Variants in DACT3 observed in about 807,000 individuals in gnomAD.
The protein encoded by DACT3 is dishevelled binding antagonist of beta catenin 3.
Under a neutral mutation model 19.6 loss-of-function variants are expected in DACT3, and 5 were observed. The ratio of observed to expected loss-of-function variants is 0.26; its 90% CI spans 0.13 to 0.54. The LOEUF (loss-of-function observed/expected upper bound fraction) is 0.54, where lower values mean the gene tolerates loss of function less well. Ranked by LOEUF, DACT3 falls within the 20% of genes least tolerant of loss-of-function variation. The probability of loss-of-function intolerance (pLI) is 0.95; values close to 1 mark genes in which losing one functional copy is unlikely to be tolerated. For synonymous variants in DACT3, 454 were observed against 428.1 expected (o/e 1.06, Z -0.75); for missense variants, 908 against 927.4 (o/e 0.98, Z 0.27).
At chr19:46,655,901 GTC>G (rs140521907) in intron 1 of DACT3, among the ~76,000 whole-genome samples, 4,852 of 131,718 alleles carry the variant, frequency 0.037, 106 homozygotes, top group Middle Eastern at 0.073. Flanking sequence ...GTGAGACCCA[GTC>G]TCTCTCTCTC....
Position 46,661,018 on chromosome 19 carries a change from A to C in DACT3, c.47T>G (p.Leu16Arg), listed in dbSNP as rs1466442259. ...CAGGCTACCCTCCAGCCAGCCCCGC[A>C]GCCGGCCCCGCTCAGGGCTCACCGG... ...SFPVSPERGRLRGWLEGSLAG... is the reference protein window; with the variant it reads ...SFPVSPERGRRRGWLEGSLAG... Residue 16 changes from leucine to arginine, a missense_variant, in exon 1 of 4, where the codon CTG (leucine) becomes CGG (arginine). This residue lies in a region of DACT3 where 252 missense variants were observed against 325.6 expected (regional missense o/e 0.77). Coordinates refer to ENST00000391916, the MANE Select transcript of DACT3 (RefSeq NM_145056.3). The C allele has an allele frequency of 6.5e-7, 1 of 1,530,906 alleles. No homozygotes were observed. The highest frequency in any genetic ancestry group is 2.5e-5 in the East Asian group (1 of 39,598). 94.8% of individuals were successfully genotyped at this position (1,530,906 alleles called of 1,614,324 possible). A position where few individuals can be genotyped will look rare whatever the true frequency, so the allele number is the denominator to read the frequency against.
Position 46,649,885 on chromosome 19 carries a change from G to A in DACT3, c.500-13C>T, listed in dbSNP as rs1320769569. On this transcript the variant is annotated splice_polypyrimidine_tract_variant and intron_variant, in intron 3 of 3. Coordinates refer to ENST00000391916, the MANE Select transcript of DACT3 (RefSeq NM_145056.3). ...GGACTGGCGTCTCCTAGGGAAGGAAGGCCAAAAAAAAAAAAAAAAGAGAGA... is the reference window on the plus strand; with the variant it reads ...GGACTGGCGTCTCCTAGGGAAGGAAAGCCAAAAAAAAAAAAAAAAGAGAGA... The A allele has an allele frequency of 7.8e-7, 1 of 1,280,832 alleles. No individual in the cohort carries two copies. The highest frequency in any genetic ancestry group is 9.7e-7 in the Non-Finnish European group (1 of 1,034,300). The allele number at this position is 1,280,832 out of a possible 1,614,324, so 79.3% of individuals were successfully genotyped here.
intron 3 of DACT3, 192 bp downstream of exon 3, chr19:46,652,468 C>A: frequency 1.5e-6 from 1 of 679,060 alleles, no homozygotes; most frequent in Non-Finnish European, 2.4e-6. Flanking sequence ...CGTGAGCCAC[C>A]GCACCCAGCC....
At chr19:46,659,545 C>G (rs2053058730) in intron 1 of DACT3, 21 of 605,052 alleles carry the variant, frequency 3.5e-5, no homozygotes, top group Non-Finnish European at 3.7e-5. Flanking sequence ...GGGGTGGGGC[C>G]TCCCACAGCT....
chr19:46,661,026 C>T lies in DACT3; in HGVS notation c.39G>A (p.Arg13=), dbSNP rs1174889066. ...CCTCCAGCCAGCCCCGCAGCCGGCC[C>T]CGCTCAGGGCTCACCGGGAACGAGA... The part of the protein sequence containing the change: ...RAFSFPVSPE[R]GRLRGWLEGS... Residue 13 remains arginine, a synonymous_variant, in exon 1 of 4, where the codon CGG becomes CGA. Coordinates refer to ENST00000391916, the MANE Select transcript of DACT3 (RefSeq NM_145056.3). 3.3e-6 allele frequency: 5 copies of T among 1,525,082 alleles called. No homozygotes were observed. The highest frequency in any genetic ancestry group is 3.5e-6 in the Non-Finnish European group (4 of 1,141,696). The allele number at this position is 1,525,082 out of a possible 1,614,324, so 94.5% of individuals were successfully genotyped here.
chr19:46,648,840 C>T lies in DACT3; in HGVS notation c.1532G>A (p.Arg511His). ...GPGPSPSAPQ[R>H]RLLYGCAGSD... ...GCCCGCGCAGCCGTAAAGCAGACGA[C>T]GCTGGGGAGCTGACGGGGACGGGCC... is the stretch of plus-strand genomic sequence containing the variant. The change falls in exon 4 of 4, where the codon CGT becomes CAT. Residue 511 changes from arginine to histidine, a missense_variant. By Grantham distance (29) the Arg-to-His change is conservative. Coordinates refer to ENST00000391916, the MANE Select transcript of DACT3 (RefSeq NM_145056.3). The surrounding 1 kb of genome is among the most constrained non-coding windows in gnomAD (Gnocchi z 5.1). 1 of 1,481,928 alleles carries T rather than the reference C, an allele frequency of 6.7e-7. No homozygotes were observed. Among genetic ancestry groups the T allele is most frequent in the Non-Finnish European group, 8.9e-7 (1 of 1,125,650 alleles). 91.8% of individuals were successfully genotyped at this position (1,481,928 alleles called of 1,614,324 possible).
At position 46,649,116 on chromosome 19, in the gene DACT3, C is replaced by A; in HGVS notation, c.1256G>T (p.Arg419Leu). 1 of 1,288,998 alleles carries A rather than the reference C, an allele frequency of 7.8e-7. No homozygotes were observed. The highest frequency in any genetic ancestry group is 9.8e-7 in the Non-Finnish European group (1 of 1,019,774). 79.8% of individuals were successfully genotyped at this position (1,288,998 alleles called of 1,614,324 possible). A position where few individuals can be genotyped will look rare whatever the true frequency, so the allele number is the denominator to read the frequency against. Residue 419 changes from arginine to leucine, a missense_variant, in exon 4 of 4, where the codon CGC becomes CTC. Coordinates refer to ENST00000391916, the MANE Select transcript of DACT3 (RefSeq NM_145056.3). ...CTCAGACTGGGAGCGCGAGGCCTTGCGGGCCCTGGGCGAGCCGCGGCGGCC... is the reference window on the plus strand; with the variant it reads ...CTCAGACTGGGAGCGCGAGGCCTTGAGGGCCCTGGGCGAGCCGCGGCGGCC... ...ASGRRGSPRA[R>L]KASRSQSETS...
rs1207739266 is a variant in DACT3 at position 46,648,150 on chromosome 19, C to T, written c.*332G>A. The T allele has an allele frequency of 3.5e-6, 1 of 286,326 alleles. No individual in the cohort carries two copies. Among genetic ancestry groups the T allele is most frequent in the Non-Finnish European group, 6.6e-6 (1 of 151,888 alleles). The allele number at this position is 286,326 out of a possible 1,614,324, so 17.7% of individuals were successfully genotyped here. A position where few individuals can be genotyped will look rare whatever the true frequency, so the allele number is the denominator to read the frequency against. On this transcript the variant is annotated 3_prime_UTR_variant, in exon 4 of 4. Coordinates refer to ENST00000391916, the MANE Select transcript of DACT3 (RefSeq NM_145056.3). This position sits in a 1 kb window ranked among gnomAD's most constrained non-coding sequence, Gnocchi z 5.1. Reference sequence around the variant, plus strand: ...GGAACAAACAGACTAGGCTTCTAAACTAAAACGGGGAAATTCAAACCGAAT... The same window carrying T: ...GGAACAAACAGACTAGGCTTCTAAATTAAAACGGGGAAATTCAAACCGAAT...
In DACT3 at chr19:46,649,519, C is replaced by T. The variant is rs944424605; in HGVS notation, c.853G>A (p.Val285Met). Residue 285 changes from valine to methionine, a missense_variant, in exon 4 of 4, where the codon GTG becomes ATG. Physicochemically the swap from Val to Met is conservative, Grantham distance 21 (BLOSUM62 1). This residue lies in a region of DACT3 where 656 missense variants were observed against 601.8 expected (regional missense o/e 1.09). Coordinates refer to ENST00000391916, the MANE Select transcript of DACT3 (RefSeq NM_145056.3). ...ADGGPRRQNS[V>M]RQRPPDASPS... is the part of the protein sequence containing the mutation. Reference sequence around the variant, plus strand: ...GACGCGTCGGGCGGCCGCTGGCGCACGCTGTTCTGGCGCCGCGGGCCGCCG... The same window carrying T: ...GACGCGTCGGGCGGCCGCTGGCGCATGCTGTTCTGGCGCCGCGGGCCGCCG... 4.6e-6 allele frequency: 5 copies of T among 1,079,694 alleles called. No individual in the cohort carries two copies. Among genetic ancestry groups the T allele is most frequent in the Middle Eastern group, 8.1e-4 (2 of 2,456 alleles). The allele number at this position is 1,079,694 out of a possible 1,614,324, so 66.9% of individuals were successfully genotyped here. A position where few individuals can be genotyped will look rare whatever the true frequency, so the allele number is the denominator to read the frequency against.
chr19:46,653,646 C>T (rs915949726), intron 1 of DACT3, among the ~76,000 whole-genome samples: 16 of 151,892 alleles, frequency 1.1e-4, no homozygotes, highest in African/African-American at 2.2e-4. Context: ...CTCTACCTCC[C>T]GGGATCAGGC....
intron 1 of DACT3, chr19:46,654,526 C>A: frequency 1.0e-6 from 1 of 962,044 alleles, no homozygotes; most frequent in Non-Finnish European, 1.2e-6. Context: ...TTCCATGAGT[C>A]TACCCTGGAT....
At chr19:46,653,397 C>A (rs1249494508) in intron 1 of DACT3, among the ~76,000 whole-genome samples, 1 of 152,046 alleles carries the variant, frequency 6.6e-6, no homozygotes, top group Non-Finnish European at 1.5e-5. Context: ...CTCAGAGCCC[C>A]TCAACCCTGA....
intron 3 of DACT3, 100 bp downstream of exon 3, chr19:46,652,560 G>A (rs2052995978): frequency 2.0e-5 from 25 of 1,265,768 alleles, no homozygotes; most frequent in Non-Finnish European, 2.7e-5. Flanking sequence ...AAATGTCACA[G>A]CTGGAATTGG....
At position 46,648,331 on chromosome 19, in the gene DACT3, T is replaced by TAAAA; in HGVS notation, c.*150_*151insTTTT. The TAAAA allele has an allele frequency of 2.2e-6, 3 of 1,359,202 alleles. No individual in the cohort carries two copies. The highest frequency in any genetic ancestry group is 1.4e-5 in the South Asian group (1 of 70,870). The allele number at this position is 1,359,202 out of a possible 1,614,324, so 84.2% of individuals were successfully genotyped here. ...TCTCGGTGGTGGTGGGGGAGCCTTT[T>TAAAA]CAACCAAGACTGTTAGGAGTGGGGA... On this transcript the variant is annotated 3_prime_UTR_variant, in exon 4 of 4. Coordinates refer to ENST00000391916, the MANE Select transcript of DACT3 (RefSeq NM_145056.3). The surrounding 1 kb of genome is among the most constrained non-coding windows in gnomAD (Gnocchi z 5.1).
chr19:46,648,911 C>T lies in DACT3; in HGVS notation c.1461G>A (p.Gly487=), dbSNP rs1373754006. The change falls in exon 4 of 4, where the codon GGG becomes GGA. Residue 487 remains glycine, a synonymous_variant. Transcript: ENST00000391916. This position sits in a 1 kb window ranked among gnomAD's most constrained non-coding sequence, Gnocchi z 5.1. ...CAGGGGCTCGGGGCCGCACGCGGCGCCCATCGGCAGCGTCGATCTCCGCAG... is the reference window on the plus strand; with the variant it reads ...CAGGGGCTCGGGGCCGCACGCGGCGTCCATCGGCAGCGTCGATCTCCGCAG... The part of the protein sequence containing the change: ...RSTAEIDAAD[G]RRVRPRAPAA... 3 of 1,356,754 alleles carry T rather than the reference C, an allele frequency of 2.2e-6. No individual in the cohort carries two copies. The East Asian group carries it at 9.3e-5, about 42-fold the overall frequency. The allele number at this position is 1,356,754 out of a possible 1,614,324, so 84.0% of individuals were successfully genotyped here. A position where few individuals can be genotyped will look rare whatever the true frequency, so the allele number is the denominator to read the frequency against.
intron 3 of DACT3, chr19:46,651,662 G>GTGTA (rs1366695384): frequency 6.6e-6 from 1 of 152,136 alleles, no homozygotes; most frequent in African/African-American, 2.4e-5. Context: ...GTGTGTGTGT[G>GTGTA]TGTGTGTGTG....
intron 1 of DACT3, among the ~76,000 whole-genome samples, chr19:46,659,939 G>A (rs2053062559): frequency 1.3e-5 from 2 of 152,198 alleles, no homozygotes; most frequent in Non-Finnish European, 2.9e-5. Context: ...GAGACAGGAT[G>A]AAGAAAGAGA....
Position 46,652,746 on chromosome 19 carries a change from C to T in DACT3, c.413G>A (p.Ser138Asn). ...DSPPSTFCGD[S>N]GFSGSSSYGR... Reference sequence around the variant, plus strand: ...ATAGGAGCTGGATCCAGAGAAGCCACTGTCCCCACAGAAGGTTGAGGGTGG... The same window carrying T: ...ATAGGAGCTGGATCCAGAGAAGCCATTGTCCCCACAGAAGGTTGAGGGTGG... Residue 138 changes from serine (S) to asparagine (N), a missense_variant, in exon 3 of 4, where the codon AGT (serine) becomes AAT (asparagine). By Grantham distance (46) the Ser-to-Asn change is conservative. Coordinates refer to ENST00000391916, the MANE Select transcript of DACT3 (RefSeq NM_145056.3). 5.2e-6 allele frequency: 8 copies of T among 1,551,680 alleles called. No homozygotes were observed. Among genetic ancestry groups the T allele is most frequent in the Non-Finnish European group, 2.6e-6 (3 of 1,146,994 alleles).
intron 1 of DACT3, among the ~76,000 whole-genome samples, chr19:46,655,791 C>G (rs2053028157): frequency 6.6e-6 from 1 of 151,822 alleles, no homozygotes; most frequent in Non-Finnish European, 1.5e-5. Flanking sequence ...ATTTAATGGG[C>G]TGGGTGTGGT....
Sources: allele counts gnomAD v4.1 joint callset (sites outside exome capture counted in the v4.1 genomes callset), GRCh38; gene constraint gnomAD v4.1.1; regional missense constraint gnomAD v4.1.1; non-coding constraint Gnocchi (gnomAD v3.1); transcripts MANE v1.5; gene names NCBI Gene and HGNC (gene_info 2026-07-23, HGNC 2026-07-21).